TRIM67: variants seen among roughly 807,000 people sequenced by gnomAD.
The protein encoded by TRIM67 is tripartite motif containing 67, also known as tripartite motif-containing protein 67.
In TRIM67, 39 loss-of-function variants were observed where a neutral mutation model predicts 71.0. That is an observed-to-expected ratio of 0.55 (90% confidence interval 0.43 to 0.72). The LOEUF is 0.72. Among genes scored for constraint, TRIM67 ranks in the 30% least tolerant of loss-of-function variants. TRIM67 has a pLI of 0.00. For synonymous variants in TRIM67, 481 were observed against 473.9 expected (o/e 1.01, Z -0.19); for missense variants, 973 against 1,079.2 (o/e 0.90, Z 1.38).
At chr1:231,182,463 C>T (rs1166182198) in intron 1 of TRIM67, among the ~76,000 whole-genome samples, 2 of 152,190 alleles carry the variant, frequency 1.3e-5, no homozygotes, top group East Asian at 1.9e-4. Context: ...ATCCACATCT[C>T]GTTGGCACAG....
chr1:231,189,784 T>C (rs1683186757), intron 1 of TRIM67, among the ~76,000 whole-genome samples: 2 of 152,160 alleles, frequency 1.3e-5, no homozygotes, highest in South Asian at 4.2e-4. Flanking sequence ...CCACTGCTGA[T>C]ACCACCTCTC....
Position 231,209,533 on chromosome 1 carries a change from G to A in TRIM67, c.2123+283G>A, listed in dbSNP as rs552754777. Among the ~76,000 whole-genome samples, 5 of 152,200 alleles carry A rather than the reference G, an allele frequency of 3.3e-5. No individual in the cohort carries two copies. Among genetic ancestry groups the A allele is most frequent in the Non-Finnish European group, 7.3e-5 (5 of 68,032 alleles). The stretch of plus-strand genomic sequence containing the variant: ...CGGTGGTCCTCTGCTGGGATATGGA[G>A]CTCGTAGTTTTCTTTCTGGTACGGC... On this transcript the variant is annotated intron_variant, in intron 8 of 9. Coordinates refer to ENST00000366653, the MANE Select transcript of TRIM67 (RefSeq NM_001004342.5). The surrounding 1 kb of genome is among the most constrained non-coding windows in gnomAD (Gnocchi z 4.1).
rs536287731 is a variant in TRIM67 at position 231,218,403 on chromosome 1, G to A, written c.*2963G>A. On this transcript the variant is annotated 3_prime_UTR_variant, in exon 10 of 10. Coordinates refer to ENST00000366653, the MANE Select transcript of TRIM67 (RefSeq NM_001004342.5). ...TAAAAATGTCGAGTTCCATTGCATT[G>A]TAAATAGTGCCTCTGTAATGTGGTT... is the stretch of plus-strand genomic sequence containing the variant. The A allele has an allele frequency of 2.2e-5, 22 of 986,192 alleles. No homozygotes were observed. In the African/African-American group the frequency reaches 3.7e-4, roughly 16 times the overall value. The allele number at this position is 986,192 out of a possible 1,614,324, so 61.1% of individuals were successfully genotyped here.
intron 1 of TRIM67, among the ~76,000 whole-genome samples, chr1:231,189,736 G>A (rs1683184456): frequency 6.6e-6 from 1 of 152,016 alleles, no homozygotes; most frequent in Non-Finnish European, 1.5e-5. Flanking sequence ...CCCTTCATGA[G>A]GGCTCCACCC....
chr1:231,189,288 C>T (rs1438560246), intron 1 of TRIM67, among the ~76,000 whole-genome samples: 4 of 152,122 alleles, frequency 2.6e-5, no homozygotes, highest in East Asian at 1.9e-4. Flanking sequence ...CCTCCAAGGA[C>T]GACATCCATA....
chr1:231,200,058 C>A, intron 3 of TRIM67, 90 bp from the exon 4 acceptor site: 1 of 959,888 alleles, frequency 1.0e-6, no homozygotes, highest in Non-Finnish European at 1.7e-6. Flanking sequence ...CTCTTCCAGG[C>A]TGTATTGGCA....
intron 2 of TRIM67, among the ~76,000 whole-genome samples, chr1:231,198,308 C>G (rs1417348338): frequency 6.6e-6 from 1 of 152,152 alleles, no homozygotes; most frequent in African/African-American, 2.4e-5. Context: ...CACACAGGTG[C>G]TCCTGTGTGA....
Position 231,215,710 on chromosome 1 carries a change from C to T in TRIM67, c.*270C>T. 8.2e-7 allele frequency: 1 copy of T among 1,225,544 alleles called. No homozygotes were observed. Among genetic ancestry groups the T allele is most frequent in the Non-Finnish European group, 1.0e-6 (1 of 982,518 alleles). The allele number at this position is 1,225,544 out of a possible 1,614,324, so 75.9% of individuals were successfully genotyped here. The stretch of plus-strand genomic sequence containing the variant: ...CATTACGAACACTCCCCAAGAAGGA[C>T]CTTTCTCAAGGGAGTCAGCATTCGG... On this transcript the variant is annotated 3_prime_UTR_variant, in exon 10 of 10. Coordinates refer to ENST00000366653, the MANE Select transcript of TRIM67 (RefSeq NM_001004342.5).
At chr1:231,187,201 C>A (rs564736530) in intron 1 of TRIM67, among the ~76,000 whole-genome samples, 1 of 152,058 alleles carries the variant, frequency 6.6e-6, no homozygotes, top group African/African-American at 2.4e-5. Context: ...CAACAAGGGG[C>A]AAGAAAGAAG....
Position 231,215,803 on chromosome 1 carries a change from G to A in TRIM67, c.*363G>A, listed in dbSNP as rs576460269. On this transcript the variant is annotated 3_prime_UTR_variant, in exon 10 of 10. Transcript: ENST00000366653. ...CTTTTTTTGGAGGGAGAGGAAGGTA[G>A]ACTTTGAGACTGGCCTCCTGAGAGC... The A allele has an allele frequency of 2.5e-5, 26 of 1,044,218 alleles. No individual in the cohort carries two copies. In the African/African-American group the frequency reaches 3.5e-4, roughly 14 times the overall value. 64.7% of individuals were successfully genotyped at this position (1,044,218 alleles called of 1,614,324 possible). A position where few individuals can be genotyped will look rare whatever the true frequency, so the allele number is the denominator to read the frequency against.
chr1:231,206,917 T>C (rs1683718462), intron 7 of TRIM67, 127 bp downstream of exon 7: 1 of 1,036,744 alleles, frequency 9.6e-7, no homozygotes, highest in South Asian at 2.0e-5. Flanking sequence ...ACGGCTGGGT[T>C]CTCCAAGGGC....
At chr1:231,176,918 A>AAAAAAAAAAAAAAAAC (rs1365612830) in intron 1 of TRIM67, among the ~76,000 whole-genome samples, 1 of 151,714 alleles carries the variant, frequency 6.6e-6, no homozygotes, top group Non-Finnish European at 1.5e-5. Flanking sequence ...AAAAAAAAAA[A>AAAAAAAAAAAAAAAAC]AAAAACACCT....
At chr1:231,169,449 A>G (rs541675979) in intron 1 of TRIM67, among the ~76,000 whole-genome samples, 1 of 132,204 alleles carries the variant, frequency 7.6e-6, no homozygotes, top group South Asian at 2.3e-4. Flanking sequence ...GCACCATGTC[A>G]GTTCACTGCA....
At chr1:231,168,522 C>T (rs868195765) in intron 1 of TRIM67, among the ~76,000 whole-genome samples, 5 of 152,286 alleles carry the variant, frequency 3.3e-5, no homozygotes, top group Middle Eastern at 3.4e-3. Context: ...ATAAAGATGA[C>T]ACCTACTTTC....
At chr1:231,187,554 C>A in intron 1 of TRIM67, 4 of 1,532,904 alleles carry the variant, frequency 2.6e-6, no homozygotes, top group Non-Finnish European at 3.5e-6. Flanking sequence ...TGAGAGAAAT[C>A]CCCTGTGGTC....
intron 9 of TRIM67, among the ~76,000 whole-genome samples, chr1:231,215,013 A>AATAGG (rs1367336646): frequency 2.6e-5 from 4 of 152,166 alleles, no homozygotes; most frequent in African/African-American, 9.7e-5. Flanking sequence ...GAATGGGTTT[A>AATAGG]ATAGGAAAGG....
chr1:231,215,879 T>C lies in TRIM67; in HGVS notation c.*439T>C. The C allele has an allele frequency of 1.0e-6, 1 of 996,800 alleles. No individual in the cohort carries two copies. Among genetic ancestry groups the C allele is most frequent in the South Asian group, 4.7e-5 (1 of 21,398 alleles). 61.7% of individuals were successfully genotyped at this position (996,800 alleles called of 1,614,324 possible). On this transcript the variant is annotated 3_prime_UTR_variant, in exon 10 of 10. Transcript: ENST00000366653. ...CCACGCCCCGGGTGTTGGCCCTCCG[T>C]GGGGACCTTGCCTCCTCAGAGTCCC...
intron 1 of TRIM67, among the ~76,000 whole-genome samples, chr1:231,178,727 G>A (rs1202898548): frequency 1.3e-5 from 2 of 152,198 alleles, no homozygotes; most frequent in African/African-American, 4.8e-5. Flanking sequence ...AAGATGATTG[G>A]AATTTAAATA....
intron 5 of TRIM67, among the ~76,000 whole-genome samples, chr1:231,203,040 T>G (rs531277071): frequency 6.6e-6 from 1 of 152,146 alleles, no homozygotes; most frequent in Non-Finnish European, 1.5e-5. Context: ...ACCAGCTCGT[T>G]AACTGAGGCT....
Sources: gnomAD v4.1 joint callset for allele counts (sites outside exome capture counted in the v4.1 genomes callset) on GRCh38, gnomAD v4.1.1 for gene constraint, Gnocchi (gnomAD v3.1) non-coding constraint, MANE v1.5 for transcripts, NCBI Gene and HGNC (gene_info 2026-07-23, HGNC 2026-07-21) for gene names.